AGAP3: variants seen among roughly 807,000 people sequenced by gnomAD.
AGAP3 encodes arf-GAP with GTPase, ANK repeat and PH domain-containing protein 3.
AGAP3 carries 24 observed loss-of-function variants against 96.9 expected under a neutral mutation model. The observed-to-expected ratio is 0.25, with a 90% CI of 0.18 to 0.35. The LOEUF (loss-of-function observed/expected upper bound fraction) is 0.35. Among genes scored for constraint, AGAP3 ranks in the 10% least tolerant of loss-of-function variants. The pLI is 1.00. For missense variants in AGAP3, 876 were observed against 1,254.2 expected (o/e 0.70, Z 4.55); for synonymous variants, 563 against 536.1 (o/e 1.05, Z -0.69).
At chr7:151,104,670 C>T (rs776476951) in intron 1 of AGAP3, among the ~76,000 whole-genome samples, 4 of 152,340 alleles carry the variant, frequency 2.6e-5, no homozygotes, top group East Asian at 3.9e-4. Flanking sequence ...TCCCCACCCA[C>T]GGCTGGTGGA....
Position 151,140,502 on chromosome 7 carries a change from A to G in AGAP3, c.1804+386A>G, listed in dbSNP as rs1307596380. Reference sequence around the variant, plus strand: ...GTAATACATGTGTACAGATTGGCTGAGTCTCTCATTAGTTTTCCTTAGGCT... The same window carrying G: ...GTAATACATGTGTACAGATTGGCTGGGTCTCTCATTAGTTTTCCTTAGGCT... On this transcript the variant is annotated intron_variant, in intron 13 of 17. Coordinates refer to ENST00000397238, the MANE Select transcript of AGAP3 (RefSeq NM_031946.7). The surrounding 1 kb of genome is among the most constrained non-coding windows in gnomAD (Gnocchi z 5.4). 6.5e-6 allele frequency: 1 copy of G among 154,862 alleles called. No individual in the cohort carries two copies. The highest frequency in any genetic ancestry group is 2.4e-5 in the African/African-American group (1 of 41,552). 9.6% of individuals were successfully genotyped at this position (154,862 alleles called of 1,614,324 possible).
chr7:151,089,560 G>A (rs976931552), intron 1 of AGAP3, among the ~76,000 whole-genome samples: 4 of 152,178 alleles, frequency 2.6e-5, no homozygotes, highest in Non-Finnish European at 4.4e-5. Flanking sequence ...TGGGACCTGC[G>A]GTCAGGATCC....
At position 151,105,778 on chromosome 7, in the gene AGAP3, C is replaced by G. The variant is rs1175734495; in HGVS notation, c.332-11015C>G. 1.6e-3 allele frequency among the ~76,000 whole-genome samples: 80 copies of G among 51,468 alleles called. 10 individuals carry two copies. Among genetic ancestry groups the G allele is most frequent in the Admixed American group, 2.1e-3 (10 of 4,830 alleles). 33.8% of individuals were successfully genotyped at this position (51,468 alleles called of 152,430 possible). On this transcript the variant is annotated intron_variant, in intron 1 of 17. Transcript: ENST00000397238. ...CCTGTCTCCAACCCCTCCATTCCGC[C>G]CCCCCCCCCGACACCACACACACAC...
intron 9 of AGAP3, chr7:151,128,294 TCTC>T (rs1208737034): frequency 2.4e-6 from 1 of 423,648 alleles, no homozygotes; most frequent in Non-Finnish European, 4.4e-6. Context: ...CTGACAGGCT[TCTC>T]CTGTCGAGGT....
chr7:151,116,174 CAG>C (rs996088016), intron 1 of AGAP3: 1 of 152,636 alleles, frequency 6.6e-6, no homozygotes, highest in African/African-American at 2.4e-5. Context: ...GTTCTGAGGA[CAG>C]ACTGAAGGGA....
chr7:151,115,142 G>T, intron 1 of AGAP3: 1 of 1,044,860 alleles, frequency 9.6e-7, no homozygotes, highest in South Asian at 3.1e-5. Flanking sequence ...GGCCCCGGCC[G>T]GCCAGCATGA....
chr7:151,120,105 C>T lies in AGAP3; in HGVS notation c.1088C>T (p.Pro363Leu). 6.2e-7 allele frequency: 1 copy of T among 1,613,684 alleles called. No individual in the cohort carries two copies. Among genetic ancestry groups the T allele is most frequent in the African/African-American group, 1.3e-5 (1 of 75,050 alleles). The change falls in exon 8 of 18, where the codon CCC becomes CTC. Residue 363 changes from proline (P) to leucine (L), a missense_variant. Physicochemically the swap from Pro to Leu is moderately conservative, Grantham distance 98. Around this residue, in one of 8 missense-constraint regions of AGAP3, gnomAD observed 100 missense variants for 129.4 expected, o/e 0.77. Coordinates refer to ENST00000397238, the MANE Select transcript of AGAP3 (RefSeq NM_031946.7). ...ETIAASSTPT[P>L]IRKQSKRRSN... The stretch of plus-strand genomic sequence containing the variant: ...ATCGCTGCCTCCTCCACCCCCACAC[C>T]CATCCGAAAGCAGTCCAAGCGGCGC...
intron 11 of AGAP3, chr7:151,136,083 T>G (rs528192644): frequency 6.6e-6 from 1 of 152,362 alleles, no homozygotes; most frequent in East Asian, 1.9e-4. Context: ...ACATGCAGTC[T>G]TCAGTGCTCT....
At chr7:151,127,635 C>G (rs1800232788) in intron 9 of AGAP3, among the ~76,000 whole-genome samples, 1 of 152,160 alleles carries the variant, frequency 6.6e-6, no homozygotes, top group South Asian at 2.1e-4. Context: ...GCTCCCTGGT[C>G]CTGAATGACC....
chr7:151,118,721 C>T lies in AGAP3; in HGVS notation c.969+89C>T. The T allele has an allele frequency of 6.7e-7, 1 of 1,495,524 alleles. No homozygotes were observed. 92.6% of individuals were successfully genotyped at this position (1,495,524 alleles called of 1,614,324 possible). A position where few individuals can be genotyped will look rare whatever the true frequency, so the allele number is the denominator to read the frequency against. ...CTGCCACTTCTGCTGGCCTCCTGCT[C>T]ACACCTGTCCACCTTCCTCTGGCCT... On this transcript the variant is annotated intron_variant, in intron 7 of 17. Coordinates refer to ENST00000397238, the MANE Select transcript of AGAP3 (RefSeq NM_031946.7). This position sits in a 1 kb window ranked among gnomAD's most constrained non-coding sequence, Gnocchi z 6.1.
Position 151,117,427 on chromosome 7 carries a change from C to A in AGAP3, c.535C>A (p.Arg179=), listed in dbSNP as rs1372008661. ...TGGCCAGAGTTACCTGCTGCTGATCCGAGATGAAGGAGGCCCCCCTGAGCT... is the reference window on the plus strand; with the variant it reads ...TGGCCAGAGTTACCTGCTGCTGATCAGAGATGAAGGAGGCCCCCCTGAGCT... ...VDGQSYLLLI[R]DEGGPPELQF... Residue 179 remains arginine (R), a synonymous_variant, in exon 4 of 18, where the codon CGA becomes AGA. Transcript: ENST00000397238. The A allele has an allele frequency of 8.7e-6, 14 of 1,614,188 alleles. No individual in the cohort carries two copies. The highest frequency in any genetic ancestry group is 1.1e-5 in the Non-Finnish European group (13 of 1,180,022).
At chr7:151,099,029 T>G (rs1024519342) in intron 1 of AGAP3, among the ~76,000 whole-genome samples, 1 of 152,012 alleles carries the variant, frequency 6.6e-6, no homozygotes, top group Non-Finnish European at 1.5e-5. Flanking sequence ...AGCCATCTAT[T>G]CAACTTTTCA....
rs1444099369 is a variant in AGAP3, at chr7:151,096,526, G to A, written c.331+9454G>A. On this transcript the variant is annotated intron_variant, in intron 1 of 17. Transcript: ENST00000397238. This position sits in a 1 kb window ranked among gnomAD's most constrained non-coding sequence, Gnocchi z 4.4. ...CTCGCTCTGTCGCCCAGGCTGGAGTGCAGTGGCGCGATCTCGGCTCACTGC... is the reference window on the plus strand; with the variant it reads ...CTCGCTCTGTCGCCCAGGCTGGAGTACAGTGGCGCGATCTCGGCTCACTGC... Among the ~76,000 whole-genome samples, 3 of 151,396 alleles carry A rather than the reference G, an allele frequency of 2.0e-5. No individual in the cohort carries two copies. The highest frequency in any genetic ancestry group is 7.3e-5 in the African/African-American group (3 of 41,104).
At chr7:151,086,400 CCGGAGCCGG>C (rs955391180), upstream of AGAP3, among the ~76,000 whole-genome samples, 1 of 125,632 alleles carries the variant, frequency 8.0e-6, no homozygotes, top group African/African-American at 3.0e-5. Flanking sequence ...GCTGCGTGTG[CCGGAGCCGG>C]CGGGGGCGGC....
At chr7:151,112,094 G>C (rs891164898) in intron 1 of AGAP3, 6 of 152,236 alleles carry the variant, frequency 3.9e-5, no homozygotes, top group African/African-American at 1.4e-4. Context: ...AGCAAAAGAG[G>C]TGTGTGCCTG....
intron 1 of AGAP3, among the ~76,000 whole-genome samples, chr7:151,105,792 C>CCACACACACACACACA (rs60071807): frequency 2.3e-3 from 61 of 26,920 alleles, no homozygotes; most frequent in African/African-American, 6.3e-3. Flanking sequence ...CCCCCCGACA[C>CCACACACACACACACA]CACACACACA....
At chr7:151,107,928 C>A (rs959586047) in intron 1 of AGAP3, among the ~76,000 whole-genome samples, 2 of 152,248 alleles carry the variant, frequency 1.3e-5, no homozygotes, top group Non-Finnish European at 2.9e-5. Context: ...TGGTGGCCCA[C>A]CTCCTGCCCC....
At position 151,138,216 on chromosome 7, in the gene AGAP3, G is replaced by T; in HGVS notation, c.1569G>T (p.Pro523=). 6.2e-7 allele frequency: 1 copy of T among 1,611,780 alleles called. No homozygotes were observed. The highest frequency in any genetic ancestry group is 2.2e-5 in the East Asian group (1 of 44,824). Residue 523 remains proline, a synonymous_variant, in exon 12 of 18, where the codon CCG becomes CCT. Transcript: ENST00000397238. ...TCAGCAGCTCGGCCTGGGCTGGCCC[G>T]CGCCCTGAGGGGCTGCACCAGCGCT... The part of the protein sequence containing the change: ...RPLSSSAWAG[P]RPEGLHQRSC...
rs1799153674 is a variant in AGAP3, at chr7:151,108,586, C to T, written c.332-8207C>T. ...GGCCTCAGAGCAGCCTTCGGAGGGT[C>T]CCAAGGATGTAGGCTGGGTCCTACG... On this transcript the variant is annotated intron_variant, in intron 1 of 17. Transcript: ENST00000397238. This position sits in a 1 kb window ranked among gnomAD's most constrained non-coding sequence, Gnocchi z 4.2. 6.6e-6 allele frequency among the ~76,000 whole-genome samples: 1 copy of T among 152,194 alleles called. No individual in the cohort carries two copies. Among genetic ancestry groups the T allele is most frequent in the Non-Finnish European group, 1.5e-5 (1 of 68,026 alleles).
Sources: gnomAD v4.1 joint callset for allele counts (sites outside exome capture counted in the v4.1 genomes callset) on GRCh38, gnomAD v4.1.1 for gene constraint, gnomAD v4.1.1 regional missense constraint, Gnocchi (gnomAD v3.1) non-coding constraint, MANE v1.5 for transcripts, NCBI Gene and HGNC (gene_info 2026-07-23, HGNC 2026-07-21) for gene names.